CSMD1: variants seen among roughly 807,000 people sequenced by gnomAD.
CSMD1 encodes CUB and sushi domain-containing protein 1.
Under a neutral mutation model 417.5 loss-of-function variants are expected in CSMD1, and 213 were observed. The ratio of observed to expected loss-of-function variants is 0.51; its 90% CI spans 0.46 to 0.57. The LOEUF (loss-of-function observed/expected upper bound fraction) is 0.57. Among genes scored for constraint, CSMD1 ranks in the 20% least tolerant of loss-of-function variants. CSMD1 has a pLI of 0.00. For missense variants in CSMD1, 6,923 were observed against 4,529.7 expected, an observed-to-expected ratio of 1.53 and a Z score of -15.17; for synonymous variants, 2,862 against 1,736.8, an observed-to-expected ratio of 1.65 and a Z score of -16.11.
At chr8:4,508,655 A>G (rs1382593945) in intron 2 of CSMD1, among the ~76,000 whole-genome samples, 2 of 152,138 alleles carry the variant, frequency 1.3e-5, no homozygotes, top group Non-Finnish European at 1.5e-5. Context: ...CCACCCTCTG[A>G]AAAAATAATG....
intron 26 of CSMD1, among the ~76,000 whole-genome samples, chr8:3,260,089 A>G (rs888502076): frequency 2.0e-5 from 3 of 152,132 alleles, no homozygotes; most frequent in Non-Finnish European, 2.9e-5. Context: ...TTGCATTTAT[A>G]TGGCATTTTT....
intron 5 of CSMD1, among the ~76,000 whole-genome samples, chr8:3,861,683 G>C (rs920498106): frequency 1.3e-5 from 2 of 152,164 alleles, no homozygotes; most frequent in African/African-American, 2.4e-5. Context: ...CCAGAGAATA[G>C]GGTTTTTTGT....
At chr8:3,170,875 T>C (rs112509741) in intron 37 of CSMD1, among the ~76,000 whole-genome samples, 2,053 of 152,312 alleles carry the variant, frequency 0.013, 14 homozygotes, top group Middle Eastern at 0.024. Flanking sequence ...TTACATCACA[T>C]GAAAAGAAAC....
Position 4,787,657 on chromosome 8 carries a change from C to G in CSMD1, c.86-150099G>C, listed in dbSNP as rs948642042. ...CTTTTCTCAAAAGAAATCCTGGTGT[C>G]AAGGAAGGATATAAGTTTACCCACC... On this transcript the variant is annotated intron_variant, in intron 1 of 69. Transcript: ENST00000635120. The G allele has an allele frequency of 2.5e-6, 4 of 1,586,720 alleles. No homozygotes were observed. The Admixed American group carries it at 5.0e-5, about 20-fold the overall frequency.
intron 3 of CSMD1, among the ~76,000 whole-genome samples, chr8:4,175,571 A>G (rs1290224930): frequency 6.6e-6 from 1 of 152,166 alleles, no homozygotes; most frequent in Non-Finnish European, 1.5e-5. Flanking sequence ...AGATTTTTTG[A>G]AAGGTATATT....
chr8:4,978,369 C>A (rs999978837), intron 1 of CSMD1, among the ~76,000 whole-genome samples: 1 of 152,102 alleles, frequency 6.6e-6, no homozygotes, highest in African/African-American at 2.4e-5. Context: ...CCAGATCACA[C>A]TGACTGCCTT....
At chr8:4,038,175 T>A (rs1055449398) in intron 3 of CSMD1, among the ~76,000 whole-genome samples, 1 of 152,158 alleles carries the variant, frequency 6.6e-6, no homozygotes, top group African/African-American at 2.4e-5. Flanking sequence ...ATTTAGGGAT[T>A]GGGGATTTTT....
At chr8:4,051,434 A>C (rs1369370561) in intron 3 of CSMD1, among the ~76,000 whole-genome samples, 1 of 152,062 alleles carries the variant, frequency 6.6e-6, no homozygotes, top group Non-Finnish European at 1.5e-5. Flanking sequence ...CAAGGTTGAA[A>C]ACGCTTTGGC....
intron 3 of CSMD1, among the ~76,000 whole-genome samples, chr8:4,315,760 G>A (rs1242544214): frequency 6.6e-6 from 1 of 151,962 alleles, no homozygotes; most frequent in Non-Finnish European, 1.5e-5. Flanking sequence ...GCAACTAGCT[G>A]GTCATTTCAT....
chr8:3,625,763 G>C (rs1327746131), intron 7 of CSMD1, among the ~76,000 whole-genome samples: 3 of 152,198 alleles, frequency 2.0e-5, no homozygotes, highest in Admixed American at 6.5e-5. Context: ...GATCTCAGTA[G>C]TTTTGAACAC....
chr8:3,856,245 C>G (rs1309410542), intron 5 of CSMD1, among the ~76,000 whole-genome samples: 1 of 152,058 alleles, frequency 6.6e-6, no homozygotes, highest in East Asian at 1.9e-4. Context: ...CCTGCTCTCT[C>G]TCTTCTTCCT....
chr8:2,935,993 C>G lies in CSMD1; in HGVS notation c.*2592G>C, dbSNP rs993295298. 6.6e-6 allele frequency: 1 copy of G among 152,220 alleles called. No individual in the cohort carries two copies. Among genetic ancestry groups the G allele is most frequent in the African/African-American group, 2.4e-5 (1 of 41,458 alleles). 9.4% of individuals were successfully genotyped at this position (152,220 alleles called of 1,614,324 possible). The stretch of plus-strand genomic sequence containing the variant: ...GCCTTCAGGGAAGAGTCTTCTAGAC[C>G]TAACTCAGCAAGCACAGCTCCTGAC... On this transcript the variant is annotated 3_prime_UTR_variant, in exon 70 of 70. Transcript: ENST00000635120.
At chr8:3,062,190 A>G (rs1357381999) in intron 49 of CSMD1, among the ~76,000 whole-genome samples, 1 of 152,122 alleles carries the variant, frequency 6.6e-6, no homozygotes, top group Non-Finnish European at 1.5e-5. Context: ...TTTGATTTCC[A>G]AAATATTTTC....
At chr8:4,711,466 T>C (rs747303004) in intron 1 of CSMD1, among the ~76,000 whole-genome samples, 4 of 152,180 alleles carry the variant, frequency 2.6e-5, no homozygotes, top group African/African-American at 4.8e-5. Flanking sequence ...AAAGTACCTT[T>C]TATTTTTGTA....
intron 6 of CSMD1, among the ~76,000 whole-genome samples, chr8:3,739,092 G>T (rs1346613669): frequency 2.0e-5 from 3 of 151,958 alleles, no homozygotes; most frequent in Non-Finnish European, 4.4e-5. Context: ...CAAAATAGTG[G>T]GGATTTATTC....
chr8:3,435,365 C>T (rs879517562), intron 12 of CSMD1, among the ~76,000 whole-genome samples: 1 of 152,146 alleles, frequency 6.6e-6, no homozygotes, highest in Admixed American at 6.5e-5. Context: ...CTCCATCAGC[C>T]CAGCCACCCA....
At chr8:4,450,424 G>C (rs533017592) in intron 2 of CSMD1, among the ~76,000 whole-genome samples, 37 of 152,088 alleles carry the variant, frequency 2.4e-4, no homozygotes, top group Non-Finnish European at 4.7e-4. Flanking sequence ...TCAAGAAATG[G>C]AGACCATCTT....
In CSMD1 at chr8:2,938,072, G is replaced by C. The variant is rs1197723292; in HGVS notation, c.*513C>G. ...GAAGGACAGAGTGAAGCATTTGTAG[G>C]TGTGAGCCTCTATCAGAAAGGTGTC... is the stretch of plus-strand genomic sequence containing the variant. On this transcript the variant is annotated 3_prime_UTR_variant, in exon 70 of 70. Coordinates refer to ENST00000635120, the MANE Select transcript of CSMD1 (RefSeq NM_033225.6). 6.5e-6 allele frequency: 1 copy of C among 152,826 alleles called. No individual in the cohort carries two copies. The highest frequency in any genetic ancestry group is 1.5e-5 in the Non-Finnish European group (1 of 68,306). 9.5% of individuals were successfully genotyped at this position (152,826 alleles called of 1,614,324 possible).
intron 3 of CSMD1, among the ~76,000 whole-genome samples, chr8:4,106,794 G>C (rs1234775693): frequency 6.6e-6 from 1 of 152,124 alleles, no homozygotes; most frequent in Admixed American, 6.6e-5. Flanking sequence ...GACGGCGATG[G>C]TCTGGGAGAG....
Sources: allele counts gnomAD v4.1 joint callset (sites outside exome capture counted in the v4.1 genomes callset), GRCh38; gene constraint gnomAD v4.1.1; transcripts MANE v1.5; gene names NCBI Gene and HGNC (gene_info 2026-07-23, HGNC 2026-07-21).